RBFOX2: variants seen among roughly 807,000 people sequenced by gnomAD.
The protein encoded by RBFOX2 is RNA binding fox-1 homolog 2.
In RBFOX2, 10 loss-of-function variants were observed where a neutral mutation model predicts 49.1. The ratio of observed to expected loss-of-function variants is 0.20; its 90% CI spans 0.13 to 0.35. The LOEUF is 0.35. RBFOX2 is among the 10% of genes least tolerant of loss of function. The pLI, the probability that RBFOX2 is intolerant of heterozygous loss-of-function variation, is 1.00. For missense variants in RBFOX2, 323 were observed against 486.9 expected, an observed-to-expected ratio of 0.66 and a Z score of 3.17; for synonymous variants, 183 against 187.4, an observed-to-expected ratio of 0.98 and a Z score of 0.19.
chr22:36,003,938 G>A (rs2058526991), intron 1 of RBFOX2, among the ~76,000 whole-genome samples: 1 of 152,146 alleles, frequency 6.6e-6, no homozygotes. Flanking sequence ...CTGACATTTT[G>A]GGCCAGATAA....
rs148875918 is a variant in RBFOX2, at chr22:35,916,827, C to T, written c.-34+22020G>A. ...GAGGTTTTGCAGCAAGCCGAGATCA[C>T]GCCACTGCACTCCAGCCTGGGAGAC... is the stretch of plus-strand genomic sequence containing the variant. On this transcript the variant is annotated intron_variant, in intron 1 of 13. Transcript: ENST00000359369. Among the ~76,000 whole-genome samples the T allele has an allele frequency of 5.3e-3, 795 of 150,812 alleles. 6 individuals carry two copies. Among genetic ancestry groups the T allele is most frequent in the African/African-American group, 0.019 (770 of 41,044 alleles).
At chr22:35,884,660 A>G (rs2046343101) in intron 1 of RBFOX2, among the ~76,000 whole-genome samples, 1 of 152,202 alleles carries the variant, frequency 6.6e-6, no homozygotes, top group East Asian at 1.9e-4. Flanking sequence ...CAAATCTTAG[A>G]AGTGACATCT....
chr22:35,906,660 C>A (rs2049157647), intron 1 of RBFOX2, among the ~76,000 whole-genome samples: 1 of 152,020 alleles, frequency 6.6e-6, no homozygotes, highest in Non-Finnish European at 1.5e-5. Context: ...ACTAAAAATA[C>A]AAAAATTAGC....
At chr22:35,996,656 G>T (rs2058206257) in intron 1 of RBFOX2, 1 of 150,326 alleles carries the variant, frequency 6.7e-6, no homozygotes, top group Admixed American at 6.6e-5. Flanking sequence ...CAACTGTAAA[G>T]GCAAGACACC....
chr22:35,753,446 T>C (rs544639045), intron 9 of RBFOX2, among the ~76,000 whole-genome samples: 1 of 152,322 alleles, frequency 6.6e-6, no homozygotes, highest in South Asian at 2.1e-4. Context: ...TGGATATTAT[T>C]TCAGCACTAG....
At chr22:35,995,652 C>T (rs969379342) in intron 1 of RBFOX2, 4 of 156,080 alleles carry the variant, frequency 2.6e-5, no homozygotes, top group Admixed American at 2.0e-4. Context: ...CCTTCACACT[C>T]TCTCTCTCTC....
chr22:36,028,522 G>GCCTGCC lies in RBFOX2; in HGVS notation c.-103_-98dup, dbSNP rs1283104437. The GCCTGCC allele has an allele frequency of 3.8e-5, 37 of 986,342 alleles. No homozygotes were observed. In the Middle Eastern group the frequency reaches 1.5e-3, roughly 40 times the overall value. 61.1% of individuals were successfully genotyped at this position (986,342 alleles called of 1,614,324 possible). A position where few individuals can be genotyped will look rare whatever the true frequency, so the allele number is the denominator to read the frequency against. The stretch of plus-strand genomic sequence containing the variant: ...CGACTGTCGCGACAGGCGGGCGCGC[G>GCCTGCC]CCTGCCCCCGCCCCCGCGTGCGTGC... On this transcript the variant is annotated 5_prime_UTR_variant, in exon 1 of 14. Coordinates refer to the RBFOX2 transcript ENST00000438146.
chr22:35,974,694 A>T (rs954576325), intron 1 of RBFOX2, among the ~76,000 whole-genome samples: 1 of 152,156 alleles, frequency 6.6e-6, no homozygotes, highest in Non-Finnish European at 1.5e-5. Context: ...ATCAAAAACA[A>T]AAACAACAAC....
chr22:35,916,670 C>T (rs1291789191), intron 1 of RBFOX2, among the ~76,000 whole-genome samples: 1 of 151,874 alleles, frequency 6.6e-6, no homozygotes, highest in Non-Finnish European at 1.5e-5. Context: ...CTGACGCGGG[C>T]GGGTCACCTG....
upstream of RBFOX2, among the ~76,000 whole-genome samples, chr22:35,841,398 T>G (rs1958731804): frequency 6.6e-6 from 1 of 152,156 alleles, no homozygotes; most frequent in Non-Finnish European, 1.5e-5. Flanking sequence ...AAAAAATGCA[T>G]CAAAGATGTG....
In RBFOX2 at chr22:35,975,712, GA is replaced by G. The variant is rs889033673; in HGVS notation, c.187-36816del. On this transcript the variant is annotated intron_variant, in intron 1 of 13. Coordinates refer to the RBFOX2 transcript ENST00000438146. ...CTTTTCCCTTTTGATGTCAGGAACA[GA>G]AAAAAAAAAAATCAAATTTTCATGT... Among the ~76,000 whole-genome samples, 114 of 143,300 alleles carry G rather than the reference GA, an allele frequency of 8.0e-4. No individual in the cohort carries two copies. The Middle Eastern group carries it at 0.018, about 23-fold the overall frequency. The allele number at this position is 143,300 out of a possible 152,430, so 94.0% of individuals were successfully genotyped here.
intron 1 of RBFOX2, among the ~76,000 whole-genome samples, chr22:35,976,262 T>C (rs998751695): frequency 2.0e-5 from 3 of 152,188 alleles, no homozygotes; most frequent in Non-Finnish European, 2.9e-5. Flanking sequence ...TACACAATTC[T>C]AGTAGCCATT....
At chr22:35,900,792 C>A (rs1446585938) in intron 1 of RBFOX2, among the ~76,000 whole-genome samples, 2 of 152,136 alleles carry the variant, frequency 1.3e-5, no homozygotes. Context: ...CCTAGACTTA[C>A]AAAATCAAAA....
chr22:35,821,262 C>G (rs998457077), intron 1 of RBFOX2, among the ~76,000 whole-genome samples: 1 of 151,926 alleles, frequency 6.6e-6, no homozygotes, highest in African/African-American at 2.4e-5. Flanking sequence ...TTAACACATG[C>G]ACATGATAGC....
chr22:35,897,805 A>G, intron 1 of RBFOX2: 2 of 751,460 alleles, frequency 2.7e-6, no homozygotes, highest in Non-Finnish European at 5.0e-6. Flanking sequence ...CAGCTTTACG[A>G]TAATGGCTTC....
At chr22:35,888,321 C>T (rs952093764) in intron 1 of RBFOX2, among the ~76,000 whole-genome samples, 2 of 152,164 alleles carry the variant, frequency 1.3e-5, no homozygotes, top group African/African-American at 2.4e-5. Context: ...AGTCATGTAT[C>T]ACTTAACAAC....
chr22:35,934,678 G>C (rs375615430), intron 1 of RBFOX2, among the ~76,000 whole-genome samples: 1 of 152,072 alleles, frequency 6.6e-6, no homozygotes, highest in Non-Finnish European at 1.5e-5. Context: ...AATAATCTTC[G>C]CAAAAACAGT....
intron 1 of RBFOX2, among the ~76,000 whole-genome samples, chr22:35,907,706 G>A (rs1174551000): frequency 6.6e-6 from 1 of 151,814 alleles, no homozygotes; most frequent in Non-Finnish European, 1.5e-5. Context: ...GGAATGCAGT[G>A]GCGTGACTCC....
At position 35,984,591 on chromosome 22, in the gene RBFOX2, G is replaced by A. The variant is rs1036260914; in HGVS notation, c.186+43649C>T. Among the ~76,000 whole-genome samples the A allele has an allele frequency of 2.6e-5, 4 of 152,100 alleles. No homozygotes were observed. In the East Asian group the frequency reaches 7.7e-4, roughly 29 times the overall value. On this transcript the variant is annotated intron_variant, in intron 1 of 13. Coordinates refer to the RBFOX2 transcript ENST00000438146. ...AGCATCTGGCTAAAAGACTTACAGAGGGGAAAAAGCTATACTGAAGTTGGC... is the reference window on the plus strand; with the variant it reads ...AGCATCTGGCTAAAAGACTTACAGAAGGGAAAAAGCTATACTGAAGTTGGC...
Sources: allele counts gnomAD v4.1 joint callset (sites outside exome capture counted in the v4.1 genomes callset), GRCh38; gene constraint gnomAD v4.1.1; transcripts MANE v1.5; gene names NCBI Gene and HGNC (gene_info 2026-07-23, HGNC 2026-07-21).